The following CCDC30 variants were observed in gnomAD, a reference collection of about 807,000 sequenced individuals.
The protein encoded by CCDC30 is coiled-coil domain containing 30, also known as coiled-coil domain-containing protein 30.
Under a neutral mutation model 100.2 loss-of-function variants are expected in CCDC30, and 70 were observed. The ratio of observed to expected loss-of-function variants is 0.70; its 90% CI spans 0.58 to 0.85. The LOEUF (loss-of-function observed/expected upper bound fraction) is 0.85, where lower values mean the gene tolerates loss of function less well. Ranked by LOEUF, CCDC30 falls within the 40% of genes least tolerant of loss-of-function variation. CCDC30 has a pLI of 0.00. For synonymous variants in CCDC30, 233 were observed against 269.5 expected, an observed-to-expected ratio of 0.86 and a Z score of 1.33; for missense variants, 652 against 771.2, an observed-to-expected ratio of 0.85 and a Z score of 1.83.
At chr1:42,512,224 G>A (rs909442563) in intron 6 of CCDC30, among the ~76,000 whole-genome samples, 15 of 152,158 alleles carry the variant, frequency 9.9e-5, no homozygotes, top group African/African-American at 3.4e-4. Flanking sequence ...CTGGTAAACC[G>A]ACAACCTTCC....
At chr1:42,591,222 AG>A (rs879229153) in intron 10 of CCDC30, 8 of 152,244 alleles carry the variant, frequency 5.3e-5, no homozygotes, top group African/African-American at 1.9e-4. Context: ...GCCAAGTGCT[AG>A]TATCCAAGAC....
chr1:42,456,599 CA>C, the CCDC30 span: 1 of 1,511,796 alleles, frequency 6.6e-7, no homozygotes, highest in Non-Finnish European at 8.8e-7. Flanking sequence ...CGAGTTCCCC[CA>C]GCCTCCCGGT....
rs549514574 is a variant in CCDC30, at chr1:42,642,335, CAGAT to C, written c.1420-134_1420-131del. The stretch of plus-strand genomic sequence containing the variant: ...TACAGTGAATGACAATGTCAGCAAA[CAGAT>C]AGAAACAGACTAGGGGACAGGAAAA... On this transcript the variant is annotated intron_variant, in intron 12 of 16. Coordinates refer to ENST00000668663, the Ensembl canonical transcript of CCDC30. 1.8e-3 allele frequency: 1,116 copies of C among 608,290 alleles called. 6 individuals carry two copies. Among genetic ancestry groups the C allele is most frequent in the Middle Eastern group, 0.01 (28 of 2,756 alleles). 37.7% of individuals were successfully genotyped at this position (608,290 alleles called of 1,614,324 possible).
At chr1:42,639,714 G>C (rs959581609) in intron 12 of CCDC30, among the ~76,000 whole-genome samples, 1 of 152,174 alleles carries the variant, frequency 6.6e-6, no homozygotes. Flanking sequence ...ACATACACAA[G>C]GCTTTTGTGA....
rs562551130 is a variant in CCDC30 at position 42,580,493 on chromosome 1, G to A, written c.847-867G>A. 7.3e-4 allele frequency among the ~76,000 whole-genome samples: 111 copies of A among 152,220 alleles called. 1 individual carries two copies. Among genetic ancestry groups the A allele is most frequent in the African/African-American group, 2.4e-3 (98 of 41,540 alleles). On this transcript the variant is annotated intron_variant, in intron 8 of 16. Transcript: ENST00000668663. ...TTAGAGGGATAATAGCTACCCTGCC[G>A]AAATCTATTCATTCAATAAATATTT...
chr1:42,612,197 T>C (rs142986007), intron 11 of CCDC30, among the ~76,000 whole-genome samples: 1 of 152,242 alleles, frequency 6.6e-6, no homozygotes, highest in Admixed American at 6.5e-5. Flanking sequence ...AAACTTAATA[T>C]TTCATGAAGT....
At chr1:42,529,990 T>A (rs549953931) in intron 6 of CCDC30, among the ~76,000 whole-genome samples, 1 of 152,224 alleles carries the variant, frequency 6.6e-6, no homozygotes, top group African/African-American at 2.4e-5. Flanking sequence ...TCTTACACTG[T>A]CCTGCTGGGA....
chr1:42,606,539 C>G (rs946198714), intron 10 of CCDC30, among the ~76,000 whole-genome samples: 1 of 152,166 alleles, frequency 6.6e-6, no homozygotes, highest in Admixed American at 6.5e-5. Context: ...CGGCCTGCAG[C>G]GAGCTCACAT....
chr1:42,521,646 A>G (rs1380287735), intron 6 of CCDC30, among the ~76,000 whole-genome samples: 1 of 152,106 alleles, frequency 6.6e-6, no homozygotes, highest in African/African-American at 2.4e-5. Context: ...CATCATTGAG[A>G]GTAGGGTATT....
At chr1:42,569,625 G>A (rs949639475) in intron 7 of CCDC30, among the ~76,000 whole-genome samples, 2 of 152,160 alleles carry the variant, frequency 1.3e-5, no homozygotes, top group African/African-American at 2.4e-5. Context: ...CCCATTACTG[G>A]CTATACAGCC....
intron 4 of CCDC30, among the ~76,000 whole-genome samples, chr1:42,495,407 G>A (rs1644216205): frequency 6.6e-6 from 1 of 152,000 alleles, no homozygotes; most frequent in Non-Finnish European, 1.5e-5. Context: ...CCTAATGCTA[G>A]ATGCTGAGTT....
At chr1:42,482,664 A>G (rs1643981687) in exon 3 of CCDC30, 32 of 1,232,968 alleles carry the variant, frequency 2.6e-5, no homozygotes, top group Non-Finnish European at 3.1e-5. Context: ...TTATTTCAGT[A>G]TCATAATGAA....
chr1:42,557,184 A>G (rs1240134668), intron 6 of CCDC30, among the ~76,000 whole-genome samples: 1 of 152,246 alleles, frequency 6.6e-6, no homozygotes, highest in African/African-American at 2.4e-5. Context: ...ATTCAAGTAT[A>G]CGTTTAGAAA....
At chr1:42,649,657 T>C (rs1351519592) in intron 15 of CCDC30, among the ~76,000 whole-genome samples, 1 of 152,144 alleles carries the variant, frequency 6.6e-6, no homozygotes, top group African/African-American at 2.4e-5. Context: ...AAACTGAAAT[T>C]GTGTCTACTT....
intron 12 of CCDC30, among the ~76,000 whole-genome samples, chr1:42,639,751 G>A (rs1199710128): frequency 2.0e-5 from 3 of 152,074 alleles, no homozygotes; most frequent in East Asian, 3.8e-4. Context: ...TTTCTAAAGT[G>A]GTACTTGGTA....
intron 6 of CCDC30, chr1:42,536,846 C>G (rs1327619230): frequency 2.0e-5 from 9 of 447,042 alleles, no homozygotes; most frequent in Non-Finnish European, 3.6e-5. Flanking sequence ...TTGCAGATGG[C>G]CACCTTCTTG....
intron 1 of CCDC30, among the ~76,000 whole-genome samples, chr1:42,469,312 T>G (rs1643689821): frequency 6.6e-6 from 1 of 152,000 alleles, no homozygotes; most frequent in South Asian, 2.1e-4. Flanking sequence ...AGCGCAGGAG[T>G]TTGAAACTGT....
At chr1:42,612,035 T>A (rs1010499553) in intron 11 of CCDC30, among the ~76,000 whole-genome samples, 2 of 152,188 alleles carry the variant, frequency 1.3e-5, no homozygotes, top group Non-Finnish European at 2.9e-5. Flanking sequence ...TATGCAGACA[T>A]TCTCCCAAGT....
intron 10 of CCDC30, chr1:42,594,339 T>A (rs1646244120): frequency 6.6e-6 from 1 of 152,118 alleles, no homozygotes; most frequent in Admixed American, 6.6e-5. Flanking sequence ...CAAGACCCTG[T>A]CTCTACAAAA....
Sources: allele counts gnomAD v4.1 joint callset (sites outside exome capture counted in the v4.1 genomes callset), GRCh38; gene constraint gnomAD v4.1.1; transcripts MANE v1.5; gene names NCBI Gene and HGNC (gene_info 2026-07-23, HGNC 2026-07-21).